The following CIAO2A variants were observed in gnomAD, a reference collection of about 807,000 sequenced individuals.
The protein encoded by CIAO2A is cytosolic iron-sulfur assembly component 2A.
CIAO2A carries 17 observed loss-of-function variants against 22.4 expected under a neutral mutation model. That is an observed-to-expected ratio of 0.76 (90% CI 0.52 to 1.14). The LOEUF (loss-of-function observed/expected upper bound fraction) is 1.14. Among genes scored for constraint, CIAO2A ranks in the 50% most tolerant of loss-of-function variants. The pLI, the probability that CIAO2A is intolerant of heterozygous loss-of-function variation, is 0.00. For synonymous variants in CIAO2A, 74 were observed against 72.3 expected (o/e 1.02, Z -0.12); for missense variants, 192 against 191.4 (o/e 1.00, Z -0.02).
intron 3 of CIAO2A, 41 bp from the exon 4 acceptor site, chr15:64,075,578 C>T: frequency 8.0e-7 from 1 of 1,247,326 alleles, no homozygotes; most frequent in Non-Finnish European, 1.2e-6. Flanking sequence ...AACATTAATG[C>T]ATTCTAAGAT....
intron 1 of CIAO2A, among the ~76,000 whole-genome samples, chr15:64,091,402 T>G (rs2080838657): frequency 6.6e-6 from 1 of 151,596 alleles, no homozygotes; most frequent in Non-Finnish European, 1.5e-5. Context: ...GGAGAATCAC[T>G]TGAACCCAGG....
At position 64,079,605 on chromosome 15, in the gene CIAO2A, T is replaced by C. The variant is rs184985305; in HGVS notation, c.339+1497A>G. On this transcript the variant is annotated intron_variant, in intron 3 of 4. Coordinates refer to ENST00000300030, the MANE Select transcript of CIAO2A (RefSeq NM_032231.7). ...AACTCCAAGTAGACAGGGTACTCTG[T>C]GTAAAGGCTAGGTAGCAGCCAGGTA... Among the ~76,000 whole-genome samples, 59 of 152,212 alleles carry C rather than the reference T, an allele frequency of 3.9e-4. 2 individuals are homozygous for C. Among genetic ancestry groups the C allele is most frequent in the Admixed American group, 3.5e-3 (54 of 15,288 alleles).
chr15:64,075,249 A>G (rs2080708366), intron 4 of CIAO2A: 2 of 353,628 alleles, frequency 5.7e-6, no homozygotes, highest in South Asian at 1.1e-4. Context: ...GATATTCTTT[A>G]CAGATGTGTA....
intron 3 of CIAO2A, 67 bp downstream of exon 3, chr15:64,081,035 T>C: frequency 7.0e-7 from 1 of 1,434,276 alleles, no homozygotes. Context: ...AATTGTGTGG[T>C]ATGTGAATTA....
intron 4 of CIAO2A, among the ~76,000 whole-genome samples, chr15:64,074,144 C>T (rs79269792): frequency 0.04 from 6,090 of 151,820 alleles, 157 homozygotes; most frequent in South Asian, 0.08. Context: ...AGGTATTGGC[C>T]CATTATGTTT....
At chr15:64,090,699 G>A (rs757430468) in intron 1 of CIAO2A, among the ~76,000 whole-genome samples, 11 of 152,196 alleles carry the variant, frequency 7.2e-5, no homozygotes, top group Non-Finnish European at 1.3e-4. Context: ...GAGTGCGTGC[G>A]CTGAAGCCAG....
chr15:64,075,647 C>CT, intron 3 of CIAO2A, 110 bp from the exon 4 acceptor site: 1 of 570,426 alleles, frequency 1.8e-6, no homozygotes. Flanking sequence ...TGCCCAAATC[C>CT]TGTTTCTTTT....
chr15:64,075,806 C>T (rs1233042001), intron 3 of CIAO2A, among the ~76,000 whole-genome samples: 1 of 151,988 alleles, frequency 6.6e-6, no homozygotes, highest in Non-Finnish European at 1.5e-5. Flanking sequence ...GACGCCACCA[C>T]ACCCAGCTAA....
intron 1 of CIAO2A, among the ~76,000 whole-genome samples, chr15:64,090,471 T>C (rs2080832041): frequency 6.6e-6 from 1 of 152,164 alleles, no homozygotes; most frequent in African/African-American, 2.4e-5. Context: ...CAACCCAGTA[T>C]GAGAATCAGT....
At chr15:64,079,425 T>A (rs2080744388) in intron 3 of CIAO2A, among the ~76,000 whole-genome samples, 1 of 152,180 alleles carries the variant, frequency 6.6e-6, no homozygotes, top group Non-Finnish European at 1.5e-5. Flanking sequence ...ACGCCTGTAG[T>A]CCTAGCTACT....
intron 2 of CIAO2A, among the ~76,000 whole-genome samples, chr15:64,084,923 T>C (rs1188184257): frequency 6.6e-6 from 1 of 151,434 alleles, no homozygotes; most frequent in African/African-American, 2.4e-5. Context: ...TGAAACCCCG[T>C]CTCTACTAAA....
At chr15:64,076,914 C>G (rs2080722316) in intron 3 of CIAO2A, among the ~76,000 whole-genome samples, 1 of 151,994 alleles carries the variant, frequency 6.6e-6, no homozygotes, top group South Asian at 2.1e-4. Flanking sequence ...CCATATTGCC[C>G]AAGCTGGTCT....
intron 3 of CIAO2A, among the ~76,000 whole-genome samples, chr15:64,075,829 TA>T (rs914363593): frequency 1.4e-4 from 22 of 151,826 alleles, no homozygotes; most frequent in African/African-American, 4.6e-4. Context: ...TTTGTATTAT[TA>T]TTTTTTTTTT....
chr15:64,079,386 A>C (rs1476517286), intron 3 of CIAO2A, among the ~76,000 whole-genome samples: 2 of 152,136 alleles, frequency 1.3e-5, no homozygotes, highest in Non-Finnish European at 2.9e-5. Flanking sequence ...ACCAAAAATT[A>C]AGAAAAAATT....
Position 64,088,751 on chromosome 15 carries a change from T to C in CIAO2A, c.225A>G (p.Glu75=), listed in dbSNP as rs776564285. The change falls in exon 2 of 5, where the codon GAA becomes GAG. Residue 75 remains glutamate, a synonymous_variant. Transcript: ENST00000300030. ...TGAACCTGATAATAACCAGATATTCTTCTTCATTTATCTCCTGAACTTCCA... is the reference window on the plus strand; with the variant it reads ...TGAACCTGATAATAACCAGATATTCCTCTTCATTTATCTCCTGAACTTCCA... The part of the protein sequence containing the change: ...SCVEVQEINE[E]EYLVIIRFTP... 3.7e-6 allele frequency: 6 copies of C among 1,613,898 alleles called. No individual in the cohort carries two copies. The highest frequency in any genetic ancestry group is 1.6e-4 in the Middle Eastern group (1 of 6,084).
intron 3 of CIAO2A, among the ~76,000 whole-genome samples, chr15:64,078,812 G>A (rs113013091): frequency 0.011 from 1,625 of 152,266 alleles, 25 homozygotes; most frequent in African/African-American, 0.031. Flanking sequence ...GGGAAACCAA[G>A]GCGGGAGGAC....
chr15:64,081,122 A>G lies in CIAO2A; in HGVS notation c.319T>C (p.Cys107Arg), dbSNP rs1384559130. Residue 107 changes from cysteine (C) to arginine (R), a missense_variant, in exon 3 of 5, where the codon TGT (cysteine) becomes CGT (arginine). Physicochemically the swap from Cys to Arg is radical, Grantham distance 180. Transcript: ENST00000300030. ...CTTACCTTATGTTTAAATGGTAAAC[A>G]TCGCTGAAGTTTTACTCTTAAGCAC... ...GLCLRVKLQR[C>R]LPFKHKLEIY... 2.5e-6 allele frequency: 4 copies of G among 1,613,668 alleles called. No individual in the cohort carries two copies. In the South Asian group the frequency reaches 4.4e-5, roughly 18 times the overall value.
chr15:64,081,855 T>A (rs989463735), intron 2 of CIAO2A, among the ~76,000 whole-genome samples: 2 of 152,006 alleles, frequency 1.3e-5, no homozygotes, highest in Admixed American at 6.6e-5. Context: ...ATTAACTTTT[T>A]AAAATGCCCC....
In CIAO2A at chr15:64,092,994, T is replaced by C. The variant is rs1429607264; in HGVS notation, c.124+651A>G. On this transcript the variant is annotated intron_variant, in intron 1 of 4. Coordinates refer to ENST00000300030, the MANE Select transcript of CIAO2A (RefSeq NM_032231.7). ...GACCTCCAGGTAGTTCTTTAACCTT[T>C]GTTTCCTCATTTGTACAATAAAGAT... is the stretch of plus-strand genomic sequence containing the variant. 2.0e-5 allele frequency among the ~76,000 whole-genome samples: 3 copies of C among 152,262 alleles called. No homozygotes were observed. The East Asian group carries it at 5.8e-4, about 29-fold the overall frequency.
Sources: allele counts gnomAD v4.1 joint callset (sites outside exome capture counted in the v4.1 genomes callset), GRCh38; gene constraint gnomAD v4.1.1; transcripts MANE v1.5; gene names NCBI Gene and HGNC (gene_info 2026-07-23, HGNC 2026-07-21).